The following SCARB2 variants were observed in gnomAD, a reference collection of about 807,000 sequenced individuals.
The protein encoded by SCARB2 is lysosome membrane protein 2.
In SCARB2, 29 loss-of-function variants were observed where a neutral mutation model predicts 58.6. That is an observed-to-expected ratio of 0.49 (90% confidence interval 0.37 to 0.67). The LOEUF (loss-of-function observed/expected upper bound fraction) is 0.67, where lower values mean the gene tolerates loss of function less well. Ranked by LOEUF, SCARB2 falls within the 30% of genes least tolerant of loss-of-function variation. The pLI is 0.00. For synonymous variants in SCARB2, 195 were observed against 210.1 expected, an observed-to-expected ratio of 0.93 and a Z score of 0.62; for missense variants, 488 against 578.5, an observed-to-expected ratio of 0.84 and a Z score of 1.60.
Position 76,163,321 on chromosome 4 carries a change from G to A in SCARB2, c.1302C>T (p.Ile434=), listed in dbSNP as rs1035540343. The change falls in exon 11 of 12, where the codon ATC becomes ATT. Residue 434 remains isoleucine, a synonymous_variant. Coordinates refer to ENST00000264896, the MANE Select transcript of SCARB2 (RefSeq NM_005506.4). ...RLKSMINTTL[I]ITNIPYIIMA... ...TGATGATGTAGGGTATGTTGGTGATGATCAAAGTAGTGTTAATCATAGACT... is the reference window on the plus strand; with the variant it reads ...TGATGATGTAGGGTATGTTGGTGATAATCAAAGTAGTGTTAATCATAGACT... 1.2e-6 allele frequency: 2 copies of A among 1,614,198 alleles called. No homozygotes were observed. Among genetic ancestry groups the A allele is most frequent in the Non-Finnish European group, 1.7e-6 (2 of 1,180,032 alleles).
chr4:76,170,076 T>G, intron 7 of SCARB2, 91 bp from the exon 8 acceptor site: 1 of 1,148,626 alleles, frequency 8.7e-7, no homozygotes, highest in Non-Finnish European at 1.3e-6. Flanking sequence ...GCCTGGTTCC[T>G]AAAGAAAAAC....
chr4:76,165,862 G>A (rs75114888), intron 10 of SCARB2: 1 of 271,954 alleles, frequency 3.7e-6, no homozygotes, highest in Non-Finnish European at 7.1e-6. Flanking sequence ...TTTATCATAG[G>A]TGTCTTAAAC....
At chr4:76,214,492 G>A (rs531439252), upstream of SCARB2, 14 of 358,328 alleles carry the variant, frequency 3.9e-5, no homozygotes, top group Admixed American at 7.3e-5. Context: ...CCTTTTGACT[G>A]TAGGCTCAGG....
chr4:76,192,970 T>G (rs1162555035), intron 2 of SCARB2: 1 of 152,138 alleles, frequency 6.6e-6, no homozygotes, highest in African/African-American at 2.4e-5. Flanking sequence ...AGACAATGGG[T>G]AAAAGGCCTT....
chr4:76,173,904 T>C (rs1732186563), intron 7 of SCARB2: 1 of 517,658 alleles, frequency 1.9e-6, no homozygotes, highest in East Asian at 3.3e-5. Context: ...GAAACTGATC[T>C]TTCTATTGGG....
intron 1 of SCARB2, among the ~76,000 whole-genome samples, chr4:76,228,266 G>C (rs1390419297): frequency 6.6e-6 from 1 of 152,006 alleles, no homozygotes; most frequent in African/African-American, 2.4e-5. Flanking sequence ...GATCATTTGA[G>C]ATCAGGAGTT....
chr4:76,200,615 A>T (rs1487753042), intron 1 of SCARB2, among the ~76,000 whole-genome samples: 3 of 152,244 alleles, frequency 2.0e-5, no homozygotes, highest in African/African-American at 7.2e-5. Flanking sequence ...ACATGCATGT[A>T]ACAGGGAGTG....
intron 9 of SCARB2, among the ~76,000 whole-genome samples, chr4:76,168,009 T>C (rs1447232699): frequency 6.6e-6 from 1 of 152,076 alleles, no homozygotes; most frequent in Non-Finnish European, 1.5e-5. Flanking sequence ...ACAAGAACAG[T>C]CTAATACACC....
At chr4:76,211,501 C>G (rs978978133) in intron 1 of SCARB2, among the ~76,000 whole-genome samples, 1 of 152,204 alleles carries the variant, frequency 6.6e-6, no homozygotes. Flanking sequence ...CTAACTATAT[C>G]CCAGAAAGAT....
rs780129025 is a variant in SCARB2, at chr4:76,213,489, T to C, written c.55A>G (p.Thr19Ala). ...CGGGCCACCAGCAGCGTGACGCTGG[T>C]CACCAGCAGGAGCAGGGACAACGTC... ...AGTLSLLLLV[T>A]SVTLLVARVF... is the part of the protein sequence containing the mutation. Residue 19 changes from threonine (T) to alanine (A), a missense_variant, in exon 1 of 12, where the codon ACC (threonine) becomes GCC (alanine). Coordinates refer to ENST00000264896, the MANE Select transcript of SCARB2 (RefSeq NM_005506.4). 1.2e-6 allele frequency: 2 copies of C among 1,611,380 alleles called. No individual in the cohort carries two copies. The highest frequency in any genetic ancestry group is 2.2e-5 in the South Asian group (2 of 90,498).
intron 1 of SCARB2, among the ~76,000 whole-genome samples, chr4:76,212,360 T>C (rs960829467): frequency 2.0e-5 from 3 of 152,244 alleles, no homozygotes; most frequent in Non-Finnish European, 2.9e-5. Context: ...AAACTGCCTT[T>C]AACTGCCAGA....
chr4:76,186,200 A>T (rs1280711595), intron 2 of SCARB2, among the ~76,000 whole-genome samples: 1 of 152,114 alleles, frequency 6.6e-6, no homozygotes, highest in Non-Finnish European at 1.5e-5. Flanking sequence ...TGCAAAAGAC[A>T]CTTTTGCTTG....
At chr4:76,191,816 G>A in intron 2 of SCARB2, 1 of 141,836 alleles carries the variant, frequency 7.1e-6, no homozygotes, top group Non-Finnish European at 1.5e-5. Flanking sequence ...TGTCACCCAG[G>A]CTGGAGTATA....
chr4:76,213,560 G>T lies in SCARB2; in HGVS notation c.-17C>A. 6.3e-7 allele frequency: 1 copy of T among 1,580,654 alleles called. No individual in the cohort carries two copies. Among genetic ancestry groups the T allele is most frequent in the South Asian group, 1.1e-5 (1 of 88,724 alleles). On this transcript the variant is annotated 5_prime_UTR_variant, in exon 1 of 12. Coordinates refer to ENST00000264896, the MANE Select transcript of SCARB2 (RefSeq NM_005506.4). ...TCGGCCCATTCTGTGCGCCGCTCAC[G>T]GGCCGGGCCGGGCCGCACCCGCCAG...
intron 1 of SCARB2, among the ~76,000 whole-genome samples, chr4:76,212,617 T>C (rs1733075970): frequency 6.6e-6 from 1 of 152,236 alleles, no homozygotes; most frequent in Non-Finnish European, 1.5e-5. Flanking sequence ...ATGATCCCAG[T>C]AATTCTCTTT....
intron 2 of SCARB2, among the ~76,000 whole-genome samples, chr4:76,189,961 C>G (rs1732569868): frequency 1.3e-5 from 2 of 151,760 alleles, no homozygotes; most frequent in African/African-American, 4.8e-5. Context: ...ACAACCAAAC[C>G]ACATCAACAT....
chr4:76,198,553 T>C (rs1043258103), intron 1 of SCARB2, among the ~76,000 whole-genome samples: 22 of 152,238 alleles, frequency 1.4e-4, no homozygotes, highest in Non-Finnish European at 5.9e-5. Flanking sequence ...AAAACTGTCC[T>C]TGGCAGCATG....
chr4:76,170,119 C>A, intron 7 of SCARB2, 134 bp from the exon 8 acceptor site: 1 of 735,174 alleles, frequency 1.4e-6, no homozygotes, highest in Non-Finnish European at 2.4e-6. Flanking sequence ...CTTGGGTAGG[C>A]TAAAACACCA....
intron 1 of SCARB2, among the ~76,000 whole-genome samples, chr4:76,224,949 T>C (rs112567448): frequency 6.6e-6 from 1 of 152,214 alleles, no homozygotes; most frequent in African/African-American, 2.4e-5. Flanking sequence ...ATCATTCTTA[T>C]AGGCATAAGA....
Sources: allele counts gnomAD v4.1 joint callset (sites outside exome capture counted in the v4.1 genomes callset), GRCh38; gene constraint gnomAD v4.1.1; transcripts MANE v1.5; gene names NCBI Gene and HGNC (gene_info 2026-07-23, HGNC 2026-07-21).